PDGFRA: variants seen among roughly 807,000 people sequenced by gnomAD.
PDGFRA encodes platelet derived growth factor receptor alpha, also known as platelet-derived growth factor receptor alpha.
Under a neutral mutation model 121.5 loss-of-function variants are expected in PDGFRA, and 25 were observed. The observed-to-expected ratio is 0.21, with a 90% confidence interval of 0.15 to 0.29. PDGFRA has a LOEUF of 0.29. Among genes scored for constraint, PDGFRA ranks in the 10% least tolerant of loss-of-function variants. The pLI, the probability that PDGFRA is intolerant of heterozygous loss-of-function variation, is 1.00. For missense variants in PDGFRA, 1,008 were observed against 1,345.1 expected (o/e 0.75, Z 3.92); for synonymous variants, 463 against 494.8 (o/e 0.94, Z 0.85).
intron 3 of PDGFRA, among the ~76,000 whole-genome samples, chr4:54,262,789 C>G (rs931777189): frequency 6.6e-6 from 1 of 152,154 alleles, no homozygotes; most frequent in African/African-American, 2.4e-5. Flanking sequence ...GAGGGATTTT[C>G]CCCTGCTGTG....
chr4:54,267,350 C>G lies in PDGFRA; in HGVS notation c.821C>G (p.Thr274Ser), dbSNP rs758194640. 7 of 1,614,010 alleles carry G rather than the reference C, an allele frequency of 4.3e-6. No individual in the cohort carries two copies. In the Admixed American group the frequency reaches 1.2e-4, roughly 27 times the overall value. ...GTCCCATCCATCAAATTGGTGTACA[C>G]TTTGACGGTCCCCGAGGCCACGGTG... Reference protein sequence around the residue: ...IKVPSIKLVYTLTVPEATVKD... With the variant: ...IKVPSIKLVYSLTVPEATVKD... Residue 274 changes from threonine to serine, a missense_variant, in exon 6 of 23, where the codon ACT becomes AGT. By Grantham distance (58) the Thr-to-Ser change is moderately conservative. Coordinates refer to ENST00000257290, the MANE Select transcript of PDGFRA (RefSeq NM_006206.6).
chr4:54,239,148 T>A (rs1721163812), intron 1 of PDGFRA, among the ~76,000 whole-genome samples: 1 of 152,198 alleles, frequency 6.6e-6, no homozygotes, highest in African/African-American at 2.4e-5. Flanking sequence ...ACCAGTGCCA[T>A]GGCAGTTTAC....
intron 1 of PDGFRA, among the ~76,000 whole-genome samples, chr4:54,258,165 C>G (rs1722477053): frequency 6.6e-6 from 1 of 152,142 alleles, no homozygotes; most frequent in African/African-American, 2.4e-5. Context: ...ACCTGCTTTT[C>G]CATGCCCTGT....
intron 1 of PDGFRA, among the ~76,000 whole-genome samples, chr4:54,245,081 T>A (rs1721556185): frequency 6.6e-6 from 1 of 152,260 alleles, no homozygotes; most frequent in African/African-American, 2.4e-5. Flanking sequence ...AAAGACCAAA[T>A]CTACGTCTGA....
At chr4:54,255,146 C>A (rs1182249527) in intron 1 of PDGFRA, among the ~76,000 whole-genome samples, 1 of 152,154 alleles carries the variant, frequency 6.6e-6, no homozygotes, top group Non-Finnish European at 1.5e-5. Flanking sequence ...CCTCTCTGAG[C>A]CTCAACTGCC....
rs1323119166 is a variant in PDGFRA at position 54,289,100 on chromosome 4, G to A, written c.2866G>A (p.Gly956Arg). The A allele has an allele frequency of 6.3e-7, 1 of 1,587,052 alleles. No individual in the cohort carries two copies. Among genetic ancestry groups the A allele is most frequent in the Non-Finnish European group, 8.7e-7 (1 of 1,155,404 alleles). ...TGAGATTGTGGAGAATCTGCTGCCT[G>A]GACAATATAAAAAGGTGTGTTTGGA... ...LSEIVENLLP[G>R]QYKKSYEKIH... The change falls in exon 21 of 23, where the codon GGA becomes AGA. Residue 956 changes from glycine (G) to arginine (R), a missense_variant. Coordinates refer to ENST00000257290, the MANE Select transcript of PDGFRA (RefSeq NM_006206.6).
At position 54,238,104 on chromosome 4, in the gene PDGFRA, C is replaced by T. The variant is rs557297264; in HGVS notation, c.-13+8689C>T. Among the ~76,000 whole-genome samples the T allele has an allele frequency of 7.9e-5, 12 of 152,354 alleles. No individual in the cohort carries two copies. The South Asian group carries it at 2.5e-3, about 32-fold the overall frequency. On this transcript the variant is annotated intron_variant, in intron 1 of 22. Transcript: ENST00000257290. ...TTTGGCTTAGTAAATAATGGTTTCT[C>T]CTTCTCTTACTTTGTTTTCTACATA...
rs1352318364 is a variant in PDGFRA, at chr4:54,296,489, C to A, written c.*1217C>A. 8.6e-6 allele frequency: 2 copies of A among 231,298 alleles called. No individual in the cohort carries two copies. The highest frequency in any genetic ancestry group is 1.7e-5 in the Non-Finnish European group (2 of 117,098). The allele number at this position is 231,298 out of a possible 1,614,324, so 14.3% of individuals were successfully genotyped here. On this transcript the variant is annotated 3_prime_UTR_variant, in exon 23 of 23. Coordinates refer to ENST00000257290, the MANE Select transcript of PDGFRA (RefSeq NM_006206.6). ...CCCAGACATCAGCCTCCTTCTTTCA[C>A]CCCTTACCCCAAAGAGAAAGAGTTT...
In PDGFRA at chr4:54,261,898, C is replaced by CATAT. The variant is rs397880252; in HGVS notation, c.367+517_367+520dup. 7.8e-4 allele frequency among the ~76,000 whole-genome samples: 74 copies of CATAT among 95,280 alleles called. 1 individual carries two copies. The highest frequency in any genetic ancestry group is 2.3e-3 in the African/African-American group (56 of 24,632). The allele number at this position is 95,280 out of a possible 152,430, so 62.5% of individuals were successfully genotyped here. ...TTTCTTTTTCCTTTTAAAAAAGTTA[C>CATAT]ATATATATATATATATATATATATA... On this transcript the variant is annotated intron_variant, in intron 3 of 22. Coordinates refer to ENST00000257290, the MANE Select transcript of PDGFRA (RefSeq NM_006206.6).
Position 54,258,833 on chromosome 4 carries a change from C to T in PDGFRA, c.49+16C>T. The T allele has an allele frequency of 1.2e-6, 2 of 1,609,392 alleles. No individual in the cohort carries two copies. Among genetic ancestry groups the T allele is most frequent in the Admixed American group, 1.7e-5 (1 of 60,000 alleles). ...CTTCTCACAGGTACGGAGCCCAGTCCTCTCTGAGTTCCTTGTTTGGGTGTC... is the reference window on the plus strand; with the variant it reads ...CTTCTCACAGGTACGGAGCCCAGTCTTCTCTGAGTTCCTTGTTTGGGTGTC... On this transcript the variant is annotated intron_variant, in intron 2 of 22. Transcript: ENST00000257290.
At position 54,274,846 on chromosome 4, in the gene PDGFRA, G is replaced by C. The variant is rs150426218; in HGVS notation, c.1659G>C (p.Pro553=). The C allele has an allele frequency of 6.2e-7, 1 of 1,614,100 alleles. No homozygotes were observed. The highest frequency in any genetic ancestry group is 8.5e-7 in the Non-Finnish European group (1 of 1,180,002). ...CCTGTCCTGGTCATTTATAGAAACC[G>C]AGGTATGAAATTCGCTGGAGGGTCA... is the stretch of plus-strand genomic sequence containing the variant. ...IVLVVIWKQK[P]RYEIRWRVIE... Residue 553 remains proline, a synonymous_variant, in exon 12 of 23, where the codon CCG becomes CCC. Transcript: ENST00000257290.
chr4:54,272,268 G>T, intron 8 of PDGFRA, 126 bp from the exon 9 acceptor site: 1 of 933,508 alleles, frequency 1.1e-6, no homozygotes. Context: ...TTGTACAACT[G>T]GTTTCAGCCC....
At chr4:54,259,656 T>G (rs1238544533) in intron 2 of PDGFRA, among the ~76,000 whole-genome samples, 1 of 152,178 alleles carries the variant, frequency 6.6e-6, no homozygotes, top group East Asian at 1.9e-4. Context: ...CTTACCCATT[T>G]GGATATGGTA....
intron 10 of PDGFRA, 120 bp downstream of exon 10, chr4:54,273,850 G>A: frequency 5.1e-6 from 4 of 784,602 alleles, no homozygotes; most frequent in East Asian, 2.6e-5. Flanking sequence ...ATTCAGTTAT[G>A]AATGCTCTTA....
chr4:54,285,526 C>T (rs1724309183), intron 17 of PDGFRA, 40 bp downstream of exon 17: 2 of 889,062 alleles, frequency 2.2e-6, no homozygotes, highest in Middle Eastern at 2.1e-4. Context: ...ACCCAGATTT[C>T]AGTGAGTGGA....
At chr4:54,256,344 TC>T (rs1722366166) in intron 1 of PDGFRA, among the ~76,000 whole-genome samples, 1 of 152,048 alleles carries the variant, frequency 6.6e-6, no homozygotes, top group Non-Finnish European at 1.5e-5. Context: ...CAAGCGATTC[TC>T]CTGTCTCAGC....
chr4:54,265,172 C>T (rs1722967193), intron 5 of PDGFRA, 123 bp downstream of exon 5: 1 of 887,384 alleles, frequency 1.1e-6, no homozygotes, highest in East Asian at 2.5e-5. Context: ...TAGCTTCCCA[C>T]CTCTGGGATG....
intron 2 of PDGFRA, among the ~76,000 whole-genome samples, chr4:54,259,382 T>A (rs1360488832): frequency 1.3e-5 from 2 of 152,226 alleles, no homozygotes; most frequent in Admixed American, 6.5e-5. Flanking sequence ...TCTTAAATCA[T>A]AACTCTCTTG....
intron 1 of PDGFRA, among the ~76,000 whole-genome samples, chr4:54,247,010 C>G (rs1169653892): frequency 6.6e-6 from 1 of 152,186 alleles, no homozygotes; most frequent in Non-Finnish European, 1.5e-5. Context: ...CCTCCCAAGA[C>G]TAAACCAGGA....
Sources: allele counts gnomAD v4.1 joint callset (sites outside exome capture counted in the v4.1 genomes callset), GRCh38; gene constraint gnomAD v4.1.1; transcripts MANE v1.5; gene names NCBI Gene and HGNC (gene_info 2026-07-23, HGNC 2026-07-21).